The following CAST variants were observed in gnomAD, a reference collection of about 807,000 sequenced individuals.
The protein encoded by CAST is MIR583 host.
In CAST, 76 loss-of-function variants were observed where a neutral mutation model predicts 119.6. The observed-to-expected ratio is 0.64, with a 90% CI of 0.53 to 0.77. CAST has a LOEUF of 0.77. Ranked by LOEUF, CAST falls within the 30% of genes least tolerant of loss-of-function variation. The probability of loss-of-function intolerance (pLI) is 0.00; values close to 1 mark genes in which losing one functional copy is unlikely to be tolerated. For missense variants in CAST, 953 were observed against 946.5 expected, an observed-to-expected ratio of 1.01 and a Z score of -0.09; for synonymous variants, 319 against 331.6, an observed-to-expected ratio of 0.96 and a Z score of 0.41.
the CAST span, among the ~76,000 whole-genome samples, chr5:96,008,909 G>A: frequency 6.6e-6 from 1 of 152,152 alleles, no homozygotes; most frequent in African/African-American, 2.4e-5. Flanking sequence ...TTTGGAGTAT[G>A]GATCCCATCA....
the CAST span, among the ~76,000 whole-genome samples, chr5:96,130,615 T>A: frequency 6.6e-6 from 1 of 152,032 alleles, no homozygotes; most frequent in Admixed American, 6.6e-5. Context: ...TAAAGCTGTG[T>A]TAAAATTACA....
rs1005220447 is a variant in CAST, at chr5:96,770,597, G to A, written c.2335G>A (p.Ala779Thr). Residue 779 changes from alanine (A) to threonine (T), a missense_variant, in exon 30 of 32, where the codon GCA (alanine) becomes ACA (threonine). Ala to Thr is a moderately conservative substitution (Grantham distance 58, BLOSUM62 0). Transcript: ENST00000675179. ...GAATGGAGGTAAAGCGAAGGATTCAGCAAAGGTAAATGGAGCAGTAAATAT... is the reference window on the plus strand; with the variant it reads ...GAATGGAGGTAAAGCGAAGGATTCAACAAAGGTAAATGGAGCAGTAAATAT... Reference protein sequence around the residue: ...PKNGGKAKDSAKTTEETSKPK... With the variant: ...PKNGGKAKDSTKTTEETSKPK... 8 of 1,608,592 alleles carry A rather than the reference G, an allele frequency of 5.0e-6. No homozygotes were observed. Among genetic ancestry groups the A allele is most frequent in the Non-Finnish European group, 6.8e-6 (8 of 1,175,406 alleles).
intron 1 of CAST, among the ~76,000 whole-genome samples, chr5:96,593,369 G>C (rs575692699): frequency 1.2e-4 from 19 of 152,170 alleles, no homozygotes; most frequent in Non-Finnish European, 2.5e-4. Context: ...ATTTTTTAGA[G>C]GGTATTGCCA....
chr5:96,034,718 C>T, the CAST span, among the ~76,000 whole-genome samples: 1 of 151,546 alleles, frequency 6.6e-6, no homozygotes, highest in African/African-American at 2.4e-5. Context: ...TCAACATATT[C>T]CTCCTATCTA....
intron 1 of CAST, among the ~76,000 whole-genome samples, chr5:96,555,587 C>A (rs139595756): frequency 0.02 from 3,014 of 152,296 alleles, 113 homozygotes; most frequent in African/African-American, 0.066. Context: ...TATCCCGCAC[C>A]TGGCTTGAAG....
At chr5:96,630,815 C>T (rs1227225399) in intron 1 of CAST, among the ~76,000 whole-genome samples, 2 of 147,454 alleles carry the variant, frequency 1.4e-5, no homozygotes, top group African/African-American at 5.0e-5. Context: ...AAGTATCATA[C>T]TCGAAAGAAA....
intron 1 of CAST, among the ~76,000 whole-genome samples, chr5:96,621,888 T>C (rs1747613877): frequency 6.6e-6 from 1 of 151,854 alleles, no homozygotes; most frequent in South Asian, 2.1e-4. Flanking sequence ...TTTAAGACCA[T>C]AAGAAAGGGA....
chr5:96,145,922 G>T, the CAST span, among the ~76,000 whole-genome samples: 1 of 152,174 alleles, frequency 6.6e-6, no homozygotes, highest in Non-Finnish European at 1.5e-5. Context: ...CTGACAGCTG[G>T]TAGCTCAGTT....
chr5:96,460,181 A>G, the CAST span, among the ~76,000 whole-genome samples: 6 of 152,154 alleles, frequency 3.9e-5, no homozygotes, highest in African/African-American at 1.4e-4. Context: ...TGTCCTGCAT[A>G]TTAGCTGCAC....
chr5:96,650,631 A>T (rs902051956), intron 1 of CAST, among the ~76,000 whole-genome samples: 5 of 152,056 alleles, frequency 3.3e-5, no homozygotes, highest in African/African-American at 1.2e-4. Flanking sequence ...GAATTATTTT[A>T]TGTAATTTGC....
chr5:96,347,965 A>G, the CAST span, among the ~76,000 whole-genome samples: 2 of 152,204 alleles, frequency 1.3e-5, no homozygotes, highest in Non-Finnish European at 2.9e-5. Context: ...CCAATAGTTA[A>G]TGATTAATAG....
intron 2 of CAST, among the ~76,000 whole-genome samples, chr5:96,685,173 G>T (rs574058447): frequency 6.6e-6 from 1 of 151,960 alleles, no homozygotes; most frequent in Non-Finnish European, 1.5e-5. Flanking sequence ...TCTCTGAAGA[G>T]ATTATATTTT....
chr5:96,599,966 C>CAAAAAAAAAAAAAAAAAAAAAAAAA (rs74978713), intron 1 of CAST, among the ~76,000 whole-genome samples: 1 of 47,214 alleles, frequency 2.1e-5, no homozygotes, highest in Admixed American at 2.4e-4. Context: ...CTTCATTAGG[C>CAAAAAAAAAAAAAAAAAAAAAAAAA]AAAAAAAAAA....
intron 1 of CAST, among the ~76,000 whole-genome samples, chr5:96,591,111 G>C (rs1246490578): frequency 6.6e-6 from 1 of 152,156 alleles, no homozygotes; most frequent in Non-Finnish European, 1.5e-5. Flanking sequence ...AGTACTGATG[G>C]ATACATTGAC....
intron 1 of CAST, among the ~76,000 whole-genome samples, chr5:96,628,817 A>G (rs1747770166): frequency 6.6e-6 from 1 of 151,812 alleles, no homozygotes; most frequent in African/African-American, 2.4e-5. Context: ...CACATAATCA[A>G]CGAGCAAATA....
At chr5:95,977,569 C>T in the CAST span, among the ~76,000 whole-genome samples, 1 of 152,206 alleles carries the variant, frequency 6.6e-6, no homozygotes, top group East Asian at 1.9e-4. Flanking sequence ...GACATGTTAA[C>T]AGTTACAATT....
At chr5:96,513,683 C>G in the CAST span, among the ~76,000 whole-genome samples, 33 of 152,202 alleles carry the variant, frequency 2.2e-4, no homozygotes, top group African/African-American at 7.2e-4. Flanking sequence ...CAGATCTGCT[C>G]TGTTCCAAGA....
At chr5:96,419,297 A>G in the CAST span, among the ~76,000 whole-genome samples, 1 of 147,758 alleles carries the variant, frequency 6.8e-6, no homozygotes, top group South Asian at 2.1e-4. Flanking sequence ...ATATGTATAT[A>G]TATATTAAGT....
chr5:96,351,616 C>T, the CAST span, among the ~76,000 whole-genome samples: 1 of 152,050 alleles, frequency 6.6e-6, no homozygotes, highest in Non-Finnish European at 1.5e-5. Flanking sequence ...GGGTATATGT[C>T]TACTGCACAC....
Sources: gnomAD v4.1 joint callset for allele counts (sites outside exome capture counted in the v4.1 genomes callset) on GRCh38, gnomAD v4.1.1 for gene constraint, MANE v1.5 for transcripts, NCBI Gene and HGNC (gene_info 2026-07-23, HGNC 2026-07-21) for gene names.